The following NALCN variants were observed in gnomAD, a reference collection of about 807,000 sequenced individuals.
The protein encoded by NALCN is sodium leak channel NALCN.
In NALCN, 111 loss-of-function variants were observed where a neutral mutation model predicts 225.3. The observed-to-expected ratio is 0.49, with a 90% CI of 0.42 to 0.58. NALCN has a LOEUF of 0.58. NALCN is among the 20% of genes least tolerant of loss of function. The pLI is 0.00. For synonymous variants in NALCN, 764 were observed against 769.0 expected (o/e 0.99, Z 0.11); for missense variants, 1,378 against 2,202.4 (o/e 0.63, Z 7.49).
chr13:101,060,511 A>G (rs1189128696), intron 41 of NALCN, among the ~76,000 whole-genome samples: 1 of 107,082 alleles, frequency 9.3e-6, no homozygotes, highest in Non-Finnish European at 2.0e-5. Flanking sequence ...AGCTAGTTTC[A>G]AACTTCTGGT....
intron 14 of NALCN, chr13:101,181,168 C>G: frequency 1.9e-6 from 1 of 518,796 alleles, no homozygotes; most frequent in Non-Finnish European, 3.8e-6. Flanking sequence ...AAGGAGAAGA[C>G]TGATTTTGGA....
chr13:101,190,922 C>G (rs536077494), intron 14 of NALCN, among the ~76,000 whole-genome samples: 1 of 152,286 alleles, frequency 6.6e-6, no homozygotes, highest in Non-Finnish European at 1.5e-5. Context: ...AAATCTAGAT[C>G]AGACAGACCT....
At chr13:101,268,518 G>A (rs1157024775) in intron 10 of NALCN, among the ~76,000 whole-genome samples, 1 of 152,030 alleles carries the variant, frequency 6.6e-6, no homozygotes, top group Non-Finnish European at 1.5e-5. Flanking sequence ...GTTTAGCTTT[G>A]TTACTCTAGT....
chr13:101,359,014 C>T (rs1239721618), intron 6 of NALCN, among the ~76,000 whole-genome samples: 3 of 151,504 alleles, frequency 2.0e-5, no homozygotes, highest in Non-Finnish European at 4.4e-5. Context: ...ACAACACATA[C>T]TGGGGTCTGT....
intron 3 of NALCN, among the ~76,000 whole-genome samples, chr13:101,386,425 C>T (rs1311561419): frequency 6.6e-6 from 1 of 152,030 alleles, no homozygotes; most frequent in Non-Finnish European, 1.5e-5. Context: ...TGTCTGTTTC[C>T]CTTCTCCAAG....
Position 101,367,988 on chromosome 13 carries a change from T to TTATTG in NALCN, c.644+8711_644+8712insCAATA, listed in dbSNP as rs1422311294. ...ATTCTTTTTTTGACTTTTTTGAAAT[T>TTATTG]TATTTTATTTTATTTTATTTTATTA... is the stretch of plus-strand genomic sequence containing the variant. On this transcript the variant is annotated intron_variant, in intron 6 of 43. Coordinates refer to ENST00000251127, the MANE Select transcript of NALCN (RefSeq NM_052867.4). Among the ~76,000 whole-genome samples, 319 of 149,846 alleles carry TTATTG rather than the reference T, an allele frequency of 2.1e-3. 1 individual carries two copies. The highest frequency in any genetic ancestry group is 7.2e-3 in the African/African-American group (293 of 40,782).
intron 17 of NALCN, among the ~76,000 whole-genome samples, chr13:101,140,850 G>C (rs540052616): frequency 1.3e-5 from 2 of 152,324 alleles, no homozygotes; most frequent in East Asian, 3.9e-4. Flanking sequence ...CTTGAGCTCA[G>C]GAGTTCAAGG....
chr13:101,387,514 T>C (rs1418690386), intron 3 of NALCN, among the ~76,000 whole-genome samples: 3 of 152,208 alleles, frequency 2.0e-5, no homozygotes, highest in Admixed American at 2.0e-4. Flanking sequence ...TTCCTATTTA[T>C]GTATGAAAAA....
At chr13:101,261,218 C>A (rs2042415542) in intron 10 of NALCN, among the ~76,000 whole-genome samples, 1 of 152,098 alleles carries the variant, frequency 6.6e-6, no homozygotes. Context: ...TTTCGTTGGT[C>A]TATGTGTCTG....
intron 7 of NALCN, among the ~76,000 whole-genome samples, chr13:101,312,992 C>A (rs1450124669): frequency 1.3e-5 from 2 of 152,096 alleles, no homozygotes; most frequent in Non-Finnish European, 2.9e-5. Flanking sequence ...AGATATAGAT[C>A]AATGGAACAG....
At chr13:101,194,723 G>C (rs2039819793) in intron 13 of NALCN, among the ~76,000 whole-genome samples, 1 of 152,232 alleles carries the variant, frequency 6.6e-6, no homozygotes, top group Non-Finnish European at 1.5e-5. Flanking sequence ...AAGAATACTG[G>C]CTGGGCATGA....
chr13:101,103,150 T>C (rs770403314), intron 26 of NALCN, 22 bp downstream of exon 26: 71 of 1,608,932 alleles, frequency 4.4e-5, no homozygotes, highest in Middle Eastern at 1.7e-4. Flanking sequence ...TGAACTGGAA[T>C]CAAAGGATAA....
At chr13:101,416,684 G>A (rs2047958001), upstream of NALCN, among the ~76,000 whole-genome samples, 1 of 152,242 alleles carries the variant, frequency 6.6e-6, no homozygotes, top group African/African-American at 2.4e-5. Context: ...GGAGCGCCAG[G>A]GTCGGTACTG....
intron 15 of NALCN, among the ~76,000 whole-genome samples, chr13:101,160,173 C>T (rs369041131): frequency 5.9e-5 from 9 of 152,238 alleles, no homozygotes; most frequent in South Asian, 2.1e-4. Flanking sequence ...CCAGGATGGT[C>T]TCGATCTCCT....
chr13:101,139,168 AG>A (rs1322775891), intron 17 of NALCN, among the ~76,000 whole-genome samples: 2 of 152,208 alleles, frequency 1.3e-5, no homozygotes, highest in Non-Finnish European at 2.9e-5. Context: ...GTGATCCACC[AG>A]GGCTATTTTT....
Position 101,089,615 on chromosome 13 carries a change from TGGCTAGAAAA to T in NALCN, c.3489+38_3489+47del. 2.0e-6 allele frequency: 3 copies of T among 1,535,240 alleles called. No homozygotes were observed. Among genetic ancestry groups the T allele is most frequent in the Non-Finnish European group, 2.7e-6 (3 of 1,114,894 alleles). Reference sequence around the variant, plus strand: ...AAAGAAACAAATAGCTCAAAGTGAGTGGCTAGAAAAGGCTAAACCCTGTGGTATCCAAACC... The same window carrying T: ...AAAGAAACAAATAGCTCAAAGTGAGTGGCTAAACCCTGTGGTATCCAAACC... On this transcript the variant is annotated intron_variant, in intron 30 of 43. Coordinates refer to ENST00000251127, the MANE Select transcript of NALCN (RefSeq NM_052867.4). This position sits in a 1 kb window ranked among gnomAD's most constrained non-coding sequence, Gnocchi z 4.7.
intron 30 of NALCN, 90 bp from the exon 31 acceptor site, chr13:101,083,894 G>T: frequency 8.4e-7 from 1 of 1,194,892 alleles, no homozygotes; most frequent in Non-Finnish European, 1.2e-6. Flanking sequence ...AAACAGGACT[G>T]ATGTGAGGGC....
At chr13:101,415,028 T>G (rs2047894644) in intron 1 of NALCN, among the ~76,000 whole-genome samples, 2 of 147,608 alleles carry the variant, frequency 1.4e-5, no homozygotes, top group South Asian at 4.2e-4. Flanking sequence ...GAGTAAATGT[T>G]TCTCGTTGCA....
chr13:101,171,438 C>CAT (rs1367416487), intron 15 of NALCN, among the ~76,000 whole-genome samples: 1 of 151,196 alleles, frequency 6.6e-6, no homozygotes, highest in Non-Finnish European at 1.5e-5. Context: ...CACACACACA[C>CAT]ATATATATTT....
Sources: allele counts gnomAD v4.1 joint callset (sites outside exome capture counted in the v4.1 genomes callset), GRCh38; gene constraint gnomAD v4.1.1; non-coding constraint Gnocchi (gnomAD v3.1); transcripts MANE v1.5; gene names NCBI Gene and HGNC (gene_info 2026-07-23, HGNC 2026-07-21).